Variants in CNOT4 observed in about 807,000 individuals in gnomAD.
The protein encoded by CNOT4 is CCR4-NOT transcription complex subunit 4.
Under a neutral mutation model 73.8 loss-of-function variants are expected in CNOT4, and 8 were observed. That is an observed-to-expected ratio of 0.11 (90% CI 0.06 to 0.20). CNOT4 has a LOEUF of 0.20. CNOT4 is among the 10% of genes least tolerant of loss of function. The probability of loss-of-function intolerance (pLI) is 1.00; values close to 1 mark genes in which losing one functional copy is unlikely to be tolerated. For missense variants in CNOT4, 564 were observed against 883.4 expected (o/e 0.64, Z 4.58); for synonymous variants, 293 against 321.1 (o/e 0.91, Z 0.94).
At position 135,495,684 on chromosome 7, in the gene CNOT4, AAAAAAAAAAGAAAGAAAG is replaced by A. The variant is rs1563083398; in HGVS notation, c.-93+14187_-93+14204del. Among the ~76,000 whole-genome samples, 56 of 97,706 alleles carry A rather than the reference AAAAAAAAAAGAAAGAAAG, an allele frequency of 5.7e-4. 8 individuals are homozygous for A. The East Asian group carries it at 0.015, about 27-fold the overall frequency. The allele number at this position is 97,706 out of a possible 152,430, so 64.1% of individuals were successfully genotyped here. ...GACCCTGTGTCAAAAAAAAAAAAAA[AAAAAAAAAAGAAAGAAAG>A]AAAGAAAGAAAGAAAGAAAGAAAGA... On this transcript the variant is annotated intron_variant, in intron 1 of 11. Transcript: ENST00000541284.
intron 10 of CNOT4, among the ~76,000 whole-genome samples, chr7:135,374,471 T>C (rs1168451559): frequency 6.6e-6 from 1 of 152,156 alleles, no homozygotes; most frequent in Non-Finnish European, 1.5e-5. Flanking sequence ...ACACAGAACT[T>C]GAGATACTGA....
At chr7:135,409,922 A>G (rs1220957495) in intron 7 of CNOT4, among the ~76,000 whole-genome samples, 1 of 152,156 alleles carries the variant, frequency 6.6e-6, no homozygotes, top group Non-Finnish European at 1.5e-5. Context: ...CTCTCTACTG[A>G]AGACCATAAA....
chr7:135,503,181 A>G (rs1226226938), intron 1 of CNOT4, among the ~76,000 whole-genome samples: 4 of 149,728 alleles, frequency 2.7e-5, no homozygotes, highest in Non-Finnish European at 5.9e-5. Flanking sequence ...ACATTTTATT[A>G]TATCACAGCA....
At chr7:135,436,399 A>C (rs1337242926) in intron 2 of CNOT4, among the ~76,000 whole-genome samples, 3 of 151,920 alleles carry the variant, frequency 2.0e-5, no homozygotes, top group African/African-American at 7.2e-5. Flanking sequence ...AGCCAATCAA[A>C]TTTACAATCC....
chr7:135,452,865 C>T (rs1431704206), intron 1 of CNOT4, among the ~76,000 whole-genome samples: 1 of 151,954 alleles, frequency 6.6e-6, no homozygotes, highest in East Asian at 1.9e-4. Flanking sequence ...AGGCTAAGCC[C>T]GATGAAAGTG....
intron 3 of CNOT4, among the ~76,000 whole-genome samples, chr7:135,418,679 GT>G: frequency 6.6e-6 from 1 of 152,268 alleles, no homozygotes; most frequent in African/African-American, 2.4e-5. Context: ...AAAATGAAAT[GT>G]TGTGTCTTTA....
chr7:135,433,792 C>G (rs1451112410), intron 2 of CNOT4, among the ~76,000 whole-genome samples: 1 of 152,198 alleles, frequency 6.6e-6, no homozygotes, highest in East Asian at 1.9e-4. Flanking sequence ...AATGCCACAT[C>G]AGTGCACCAC....
intron 10 of CNOT4, among the ~76,000 whole-genome samples, chr7:135,378,695 G>A (rs1408456844): frequency 6.6e-6 from 1 of 151,528 alleles, no homozygotes; most frequent in Admixed American, 6.6e-5. Context: ...CCTTTGAAGA[G>A]GGAAAATTAG....
chr7:135,444,936 T>G lies in CNOT4; in HGVS notation c.-92-6513A>C, dbSNP rs1799728336. ...TGCCATGCTGTGGAAGCTCTGACCT[T>G]TTTGACTTCATACTTTGAAGAACTG... On this transcript the variant is annotated intron_variant, in intron 1 of 11. Transcript: ENST00000541284. 5 of 1,583,278 alleles carry G rather than the reference T, an allele frequency of 3.2e-6. No individual in the cohort carries two copies. The Admixed American group carries it at 8.3e-5, about 26-fold the overall frequency.
At chr7:135,484,105 G>T (rs1237197932) in intron 1 of CNOT4, among the ~76,000 whole-genome samples, 1 of 152,148 alleles carries the variant, frequency 6.6e-6, no homozygotes, top group African/African-American at 2.4e-5. Flanking sequence ...TGAGGCAGAA[G>T]AATCACTTGA....
intron 1 of CNOT4, among the ~76,000 whole-genome samples, chr7:135,466,702 C>G (rs1183663806): frequency 1.3e-5 from 2 of 152,100 alleles, no homozygotes; most frequent in Non-Finnish European, 2.9e-5. Context: ...ATGGTGAATG[C>G]CCTAAACAGG....
chr7:135,501,725 C>T (rs1027495132), intron 1 of CNOT4, among the ~76,000 whole-genome samples: 2 of 152,168 alleles, frequency 1.3e-5, no homozygotes, highest in African/African-American at 4.8e-5. Flanking sequence ...CTAGCTCTAC[C>T]CTACTAATAC....
intron 10 of CNOT4, among the ~76,000 whole-genome samples, chr7:135,365,436 T>A (rs1273554513): frequency 1.3e-5 from 2 of 152,040 alleles, no homozygotes; most frequent in African/African-American, 4.8e-5. Context: ...TGTTGTATGG[T>A]TTACAAGGCA....
chr7:135,473,529 T>A (rs1437304913), intron 1 of CNOT4, among the ~76,000 whole-genome samples: 1 of 152,176 alleles, frequency 6.6e-6, no homozygotes, highest in Admixed American at 6.5e-5. Flanking sequence ...GGTGGATCCC[T>A]TGAGCCCACG....
At chr7:135,494,275 G>C (rs1305335321) in intron 1 of CNOT4, among the ~76,000 whole-genome samples, 1 of 151,864 alleles carries the variant, frequency 6.6e-6, no homozygotes, top group East Asian at 1.9e-4. Flanking sequence ...TTCAAGACCA[G>C]CCTGGCCAAC....
At chr7:135,481,243 AAC>A (rs1199186136) in intron 1 of CNOT4, among the ~76,000 whole-genome samples, 7 of 152,166 alleles carry the variant, frequency 4.6e-5, no homozygotes, top group African/African-American at 1.7e-4. Flanking sequence ...CATTAAAAAA[AAC>A]ACAGATAATC....
intron 1 of CNOT4, among the ~76,000 whole-genome samples, chr7:135,470,139 G>A (rs182580247): frequency 1.2e-3 from 173 of 149,878 alleles, no homozygotes; most frequent in African/African-American, 3.9e-3. Flanking sequence ...GTTTTTTTGG[G>A]GGGGGAGGCC....
chr7:135,479,137 C>T (rs1420269999), intron 1 of CNOT4, among the ~76,000 whole-genome samples: 1 of 150,112 alleles, frequency 6.7e-6, no homozygotes. Flanking sequence ...CAAACATTGC[C>T]AAATTGTCAT....
chr7:135,417,519 A>C (rs753339260), intron 3 of CNOT4, among the ~76,000 whole-genome samples: 1 of 152,214 alleles, frequency 6.6e-6, no homozygotes, highest in Non-Finnish European at 1.5e-5. Context: ...GATAAGGTTG[A>C]AGGCCACTGG....
Sources: gnomAD v4.1 joint callset for allele counts (sites outside exome capture counted in the v4.1 genomes callset) on GRCh38, gnomAD v4.1.1 for gene constraint, MANE v1.5 for transcripts, NCBI Gene and HGNC (gene_info 2026-07-23, HGNC 2026-07-21) for gene names.